The following ZNF655 variants were observed in gnomAD, a reference collection of about 807,000 sequenced individuals.
ZNF655 encodes zinc finger protein 655.
ZNF655 carries 3 observed loss-of-function variants against 6.6 expected under a neutral mutation model. The ratio of observed to expected loss-of-function variants is 0.46; its 90% CI spans 0.21 to 1.18. ZNF655 has a LOEUF of 1.18. Ranked by LOEUF, ZNF655 falls within the 50% of genes most tolerant of loss-of-function variation. The probability of loss-of-function intolerance (pLI) is 0.24; values close to 1 mark genes in which losing one functional copy is unlikely to be tolerated. For missense variants in ZNF655, 526 were observed against 572.3 expected (o/e 0.92, Z 0.83); for synonymous variants, 178 against 195.0 (o/e 0.91, Z 0.73).
At chr7:99,571,823 A>G (rs746782748) in intron 2 of ZNF655, 5 of 1,472,892 alleles carry the variant, frequency 3.4e-6, no homozygotes, top group South Asian at 1.2e-5. Context: ...TAGAATTAGT[A>G]GGGAAGTAAA....
intron 2 of ZNF655, among the ~76,000 whole-genome samples, chr7:99,567,867 T>G (rs1191450142): frequency 6.6e-6 from 1 of 151,922 alleles, no homozygotes; most frequent in Non-Finnish European, 1.5e-5. Context: ...GAGACCAGCC[T>G]GACCAACATG....
Position 99,576,421 on chromosome 7 carries a change from A to G in ZNF655, c.*2837A>G, listed in dbSNP as rs1804399765. ...TTTAGGAATGTGCTTTTGTACTTCC[A>G]CTTGAATAAAGGTGTGTTTGGTATT... is the stretch of plus-strand genomic sequence containing the variant. On this transcript the variant is annotated 3_prime_UTR_variant, in exon 3 of 3. Transcript: ENST00000252713. 6.6e-6 allele frequency: 1 copy of G among 152,652 alleles called. No homozygotes were observed. The highest frequency in any genetic ancestry group is 1.5e-5 in the Non-Finnish European group (1 of 68,034). 9.5% of individuals were successfully genotyped at this position (152,652 alleles called of 1,614,324 possible).
chr7:99,572,889 A>G lies in ZNF655; in HGVS notation c.781A>G (p.Ile261Val). The G allele has an allele frequency of 1.2e-6, 2 of 1,614,172 alleles. No individual in the cohort carries two copies. The highest frequency in any genetic ancestry group is 1.7e-6 in the Non-Finnish European group (2 of 1,180,004). ...QSSSLSRHKR[I>V]HTREKPYKCE... ...CTCAAGTCTTAGTCGACATAAAAGA[A>G]TACACACTAGAGAAAAACCTTACAA... The change falls in exon 3 of 3, where the codon ATA becomes GTA. Residue 261 changes from isoleucine (I) to valine (V), a missense_variant. By Grantham distance (29) the Ile-to-Val change is conservative. Transcript: ENST00000252713.
chr7:99,563,111 C>A, intron 2 of ZNF655: 1 of 428,244 alleles, frequency 2.3e-6, no homozygotes, highest in South Asian at 1.7e-5. Flanking sequence ...CCCAGGGCAG[C>A]AGAAATCTCA....
chr7:99,564,007 T>A, intron 2 of ZNF655: 4 of 1,613,600 alleles, frequency 2.5e-6, no homozygotes, highest in Non-Finnish European at 3.4e-6. Context: ...AAGTATCGGC[T>A]TCCCATCGAT....
At position 99,572,437 on chromosome 7, in the gene ZNF655, A is replaced by G; in HGVS notation, c.329A>G (p.Glu110Gly). 4 of 1,613,882 alleles carry G rather than the reference A, an allele frequency of 2.5e-6. No homozygotes were observed. The highest frequency in any genetic ancestry group is 3.4e-6 in the Non-Finnish European group (4 of 1,179,912). Residue 110 changes from glutamate (E) to glycine (G), a missense_variant, in exon 3 of 3, where the codon GAG becomes GGG. Transcript: ENST00000252713. ...QEILRKFLYL[E>G]REFRQITISK... ...ATTCTAAGGAAATTTCTGTACCTGG[A>G]GAGAGAGTTTAGGCAAATAACAATC...
chr7:99,575,061 C>G lies in ZNF655; in HGVS notation c.*1477C>G, dbSNP rs1382788020. The G allele has an allele frequency of 2.0e-5, 3 of 152,670 alleles. No individual in the cohort carries two copies. Among genetic ancestry groups the G allele is most frequent in the Admixed American group, 6.5e-5 (1 of 15,282 alleles). 9.5% of individuals were successfully genotyped at this position (152,670 alleles called of 1,614,324 possible). A position where few individuals can be genotyped will look rare whatever the true frequency, so the allele number is the denominator to read the frequency against. ...TTTCAAATGATGCCCAAGGTTTTAG[C>G]TGTCTTGTGTGCATCCACAGTCTGC... On this transcript the variant is annotated 3_prime_UTR_variant, in exon 3 of 3. Coordinates refer to ENST00000252713, the MANE Select transcript of ZNF655 (RefSeq NM_138494.3).
chr7:99,564,357 C>T, intron 2 of ZNF655: 1 of 1,128,634 alleles, frequency 8.9e-7, no homozygotes. Flanking sequence ...CGAACACAAC[C>T]TGCCCCGTAT....
At chr7:99,563,868 C>G (rs182669800) in intron 2 of ZNF655, 2 of 1,610,476 alleles carry the variant, frequency 1.2e-6, no homozygotes, top group Non-Finnish European at 1.7e-6. Context: ...TGTAGGCATA[C>G]TTCTCCGCCT....
chr7:99,562,866 G>C (rs1803313459), intron 2 of ZNF655, among the ~76,000 whole-genome samples: 1 of 152,098 alleles, frequency 6.6e-6, no homozygotes, highest in Non-Finnish European at 1.5e-5. Flanking sequence ...TTTCCTCTTT[G>C]TTATCTCAGT....
intron 1 of ZNF655, among the ~76,000 whole-genome samples, chr7:99,560,022 T>C (rs1802978733): frequency 6.6e-6 from 1 of 151,920 alleles, no homozygotes; most frequent in Non-Finnish European, 1.5e-5. Flanking sequence ...AATTAGAGAC[T>C]CTTCTATGAT....
chr7:99,567,754 G>C (rs188509624), intron 2 of ZNF655, among the ~76,000 whole-genome samples: 1 of 152,156 alleles, frequency 6.6e-6, no homozygotes, highest in East Asian at 1.9e-4. Flanking sequence ...GATTGAATTA[G>C]ATTATGCATA....
chr7:99,568,990 G>C (rs1334449521), intron 2 of ZNF655, among the ~76,000 whole-genome samples: 1 of 151,740 alleles, frequency 6.6e-6, no homozygotes, highest in Non-Finnish European at 1.5e-5. Context: ...TCACTATGTT[G>C]CCCAGGCTGG....
chr7:99,572,100 T>G, intron 2 of ZNF655, 145 bp from the exon 3 acceptor site: 21 of 840,174 alleles, frequency 2.5e-5, no homozygotes, highest in Non-Finnish European at 3.4e-5. Flanking sequence ...CTTCTGCTGT[T>G]GAGATTTTGT....
intron 2 of ZNF655, chr7:99,564,186 A>G: frequency 7.1e-7 from 1 of 1,408,738 alleles, no homozygotes; most frequent in African/African-American, 1.5e-5. Context: ...TGTTGCAACC[A>G]GATATGTTTT....
At chr7:99,567,577 A>G (rs1803726223) in intron 2 of ZNF655, among the ~76,000 whole-genome samples, 1 of 151,952 alleles carries the variant, frequency 6.6e-6, no homozygotes, top group East Asian at 1.9e-4. Flanking sequence ...AGAACCTGCT[A>G]CTAATGCTTT....
chr7:99,568,387 A>G (rs1211295070), intron 2 of ZNF655, among the ~76,000 whole-genome samples: 1 of 149,128 alleles, frequency 6.7e-6, no homozygotes, highest in Non-Finnish European at 1.5e-5. Flanking sequence ...AGTGGCTGGG[A>G]CTACAGGCAC....
At chr7:99,558,899 G>T (rs1802827216) in intron 1 of ZNF655, 112 bp downstream of exon 1, 4 of 152,276 alleles carry the variant, frequency 2.6e-5, no homozygotes, top group Admixed American at 2.6e-4. Flanking sequence ...TCGCTTCCCC[G>T]AGAGTGCGCG....
In ZNF655 at chr7:99,574,371, T is replaced by C. The variant is rs1199108946; in HGVS notation, c.*787T>C. ...GAGTTCCTTTATTTAATATGTATTCTAAGTAGGTACGTTTATTTTTACTTT... is the reference window on the plus strand; with the variant it reads ...GAGTTCCTTTATTTAATATGTATTCCAAGTAGGTACGTTTATTTTTACTTT... On this transcript the variant is annotated 3_prime_UTR_variant, in exon 3 of 3. Transcript: ENST00000252713. The C allele has an allele frequency of 6.6e-6, 1 of 152,200 alleles. No individual in the cohort carries two copies. Among genetic ancestry groups the C allele is most frequent in the Non-Finnish European group, 1.5e-5 (1 of 68,030 alleles). 9.4% of individuals were successfully genotyped at this position (152,200 alleles called of 1,614,324 possible).
Sources: allele counts gnomAD v4.1 joint callset (sites outside exome capture counted in the v4.1 genomes callset), GRCh38; gene constraint gnomAD v4.1.1; transcripts MANE v1.5; gene names NCBI Gene and HGNC (gene_info 2026-07-23, HGNC 2026-07-21).